Variants in SATB1 observed in about 807,000 individuals in gnomAD.
SATB1 encodes the protein SATB homeobox 1.
Under a neutral mutation model 86.9 loss-of-function variants are expected in SATB1, and 11 were observed. The observed-to-expected ratio is 0.13, with a 90% CI of 0.08 to 0.21. The LOEUF (loss-of-function observed/expected upper bound fraction) is 0.21. Among genes scored for constraint, SATB1 ranks in the 10% least tolerant of loss-of-function variants. The probability of loss-of-function intolerance (pLI) is 1.00; values close to 1 mark genes in which losing one functional copy is unlikely to be tolerated. For synonymous variants in SATB1, 357 were observed against 357.2 expected, an observed-to-expected ratio of 1.00 and a Z score of 0.01; for missense variants, 551 against 937.6, an observed-to-expected ratio of 0.59 and a Z score of 5.39.
Position 18,349,782 on chromosome 3 carries a change from G to A in SATB1, c.1780-100C>T, listed in dbSNP as rs139926991. 4.8e-5 allele frequency: 70 copies of A among 1,459,960 alleles called. No homozygotes were observed. The highest frequency in any genetic ancestry group is 6.2e-5 in the Non-Finnish European group (69 of 1,109,716). 90.4% of individuals were successfully genotyped at this position (1,459,960 alleles called of 1,614,324 possible). A position where few individuals can be genotyped will look rare whatever the true frequency, so the allele number is the denominator to read the frequency against. On this transcript the variant is annotated intron_variant, in intron 10 of 10. Transcript: ENST00000338745. This position sits in a 1 kb window ranked among gnomAD's most constrained non-coding sequence, Gnocchi z 5.5. ...AATGTGGTCCCGGATCCTACATATA[G>A]CTTCTTTGATAGGGATGAAGATTTA... is the stretch of plus-strand genomic sequence containing the variant.
At chr3:18,421,411 T>A in intron 1 of SATB1, 1 of 162,606 alleles carries the variant, frequency 6.1e-6, no homozygotes, top group South Asian at 1.7e-4. Flanking sequence ...TGATCATAGT[T>A]CAAAATATTA....
intron 9 of SATB1, among the ~76,000 whole-genome samples, chr3:18,376,694 A>G (rs190326494): frequency 6.6e-6 from 1 of 152,242 alleles, no homozygotes; most frequent in East Asian, 1.9e-4. Flanking sequence ...TATCATAATT[A>G]GAAACATTTC....
chr3:18,352,255 T>C lies in SATB1; in HGVS notation c.1576-60A>G. On this transcript the variant is annotated intron_variant, in intron 9 of 10. Coordinates refer to ENST00000338745, the MANE Select transcript of SATB1 (RefSeq NM_002971.6). The surrounding 1 kb of genome is among the most constrained non-coding windows in gnomAD (Gnocchi z 4.1). Reference sequence around the variant, plus strand: ...CTATGAGAGGGGCTGGCATTTTCCATTAGGAGCTAAAAAGGAAAAACCCTA... The same window carrying C: ...CTATGAGAGGGGCTGGCATTTTCCACTAGGAGCTAAAAAGGAAAAACCCTA... 6.8e-7 allele frequency: 1 copy of C among 1,473,326 alleles called. No individual in the cohort carries two copies. The allele number at this position is 1,473,326 out of a possible 1,614,324, so 91.3% of individuals were successfully genotyped here.
chr3:18,351,915 G>C, intron 10 of SATB1, 77 bp downstream of exon 10: 1 of 1,402,960 alleles, frequency 7.1e-7, no homozygotes, highest in South Asian at 1.2e-5. Flanking sequence ...GCAGGAGGAA[G>C]AGAAACGCTA....
At chr3:18,387,005 A>G (rs982474248) in intron 7 of SATB1, among the ~76,000 whole-genome samples, 1 of 152,238 alleles carries the variant, frequency 6.6e-6, no homozygotes, top group Admixed American at 6.5e-5. Context: ...CCCAATATGT[A>G]AAGATACAAA....
intron 8 of SATB1, among the ~76,000 whole-genome samples, chr3:18,385,581 C>A (rs1187062039): frequency 7.3e-5 from 11 of 151,440 alleles, no homozygotes; most frequent in Non-Finnish European, 1.6e-4. Flanking sequence ...GAAGATCGTG[C>A]CACTGCACTC....
chr3:18,414,996 T>G, intron 5 of SATB1, 115 bp downstream of exon 5: 1 of 1,218,982 alleles, frequency 8.2e-7, no homozygotes, highest in South Asian at 1.4e-5. Flanking sequence ...TCACTTTGCA[T>G]TTTTGGCAGA....
chr3:18,416,453 G>C (rs1698119159), intron 3 of SATB1, among the ~76,000 whole-genome samples: 1 of 152,002 alleles, frequency 6.6e-6, no homozygotes, highest in South Asian at 2.1e-4. Flanking sequence ...GTTCTAAATG[G>C]CTTTATGATT....
At chr3:18,380,079 TG>T (rs2125192707) in intron 8 of SATB1, among the ~76,000 whole-genome samples, 1 of 152,328 alleles carries the variant, frequency 6.6e-6, no homozygotes, top group Admixed American at 6.5e-5. Context: ...AACTTTGCTC[TG>T]GGGTGGTCTT....
chr3:18,411,609 C>T (rs1314288379), intron 5 of SATB1, among the ~76,000 whole-genome samples: 1 of 151,886 alleles, frequency 6.6e-6, no homozygotes, highest in Non-Finnish European at 1.5e-5. Context: ...TTCATGACTA[C>T]AGGCTCTCTT....
At chr3:18,363,918 G>C (rs1301890267) in intron 9 of SATB1, among the ~76,000 whole-genome samples, 1 of 152,162 alleles carries the variant, frequency 6.6e-6, no homozygotes, top group Admixed American at 6.5e-5. Context: ...CTACAGCACT[G>C]CATGTGGGCA....
chr3:18,441,156 G>A (rs960246072), upstream of SATB1, among the ~76,000 whole-genome samples: 9 of 152,106 alleles, frequency 5.9e-5, 1 homozygote, highest in East Asian at 7.7e-4. Flanking sequence ...TGAGAGAAGC[G>A]GCAAGTTTGA....
intron 9 of SATB1, among the ~76,000 whole-genome samples, chr3:18,354,840 A>G (rs1694551081): frequency 6.6e-6 from 1 of 152,112 alleles, no homozygotes; most frequent in Non-Finnish European, 1.5e-5. Context: ...ATTTCAGAAA[A>G]AGAGCCCCGA....
chr3:18,351,189 A>G (rs1213129649), intron 10 of SATB1: 4 of 755,356 alleles, frequency 5.3e-6, no homozygotes, highest in African/African-American at 5.2e-5. Context: ...TGGCACAGTG[A>G]GCTCTGCCCA....
At chr3:18,351,757 A>T (rs1694374219) in intron 10 of SATB1, 1 of 551,706 alleles carries the variant, frequency 1.8e-6, no homozygotes. Context: ...AGTGTAAAAA[A>T]GGGGTTCCTG....
At chr3:18,395,788 C>T (rs947521481) in intron 6 of SATB1, among the ~76,000 whole-genome samples, 1 of 152,154 alleles carries the variant, frequency 6.6e-6, no homozygotes, top group Non-Finnish European at 1.5e-5. Context: ...AATGCTTCTT[C>T]CTTGGCTAGG....
At chr3:18,393,871 T>C (rs534126335) in intron 7 of SATB1, among the ~76,000 whole-genome samples, 24 of 152,310 alleles carry the variant, frequency 1.6e-4, no homozygotes, top group African/African-American at 5.1e-4. Context: ...TGGAAGACAA[T>C]AGCATGAGGG....
At chr3:18,409,530 A>C (rs958631374) in intron 5 of SATB1, 3 of 152,064 alleles carry the variant, frequency 2.0e-5, no homozygotes, top group African/African-American at 7.2e-5. Flanking sequence ...ACAACTACCC[A>C]TATAAGACAG....
At chr3:18,419,624 A>G (rs1416719730) in intron 2 of SATB1, among the ~76,000 whole-genome samples, 1 of 152,202 alleles carries the variant, frequency 6.6e-6, no homozygotes, top group Non-Finnish European at 1.5e-5. Context: ...GCTTCACAGT[A>G]CAATATTAAT....
Sources: allele counts gnomAD v4.1 joint callset (sites outside exome capture counted in the v4.1 genomes callset), GRCh38; gene constraint gnomAD v4.1.1; non-coding constraint Gnocchi (gnomAD v3.1); transcripts MANE v1.5; gene names NCBI Gene and HGNC (gene_info 2026-07-23, HGNC 2026-07-21).